Variants in DNAH5 observed in about 807,000 individuals in gnomAD.
DNAH5 encodes dynein axonemal heavy chain 5.
In DNAH5, 372 loss-of-function variants were observed where a neutral mutation model predicts 518.2. That is an observed-to-expected ratio of 0.72 (90% CI 0.66 to 0.78). The LOEUF (loss-of-function observed/expected upper bound fraction) is 0.78, where lower values mean the gene tolerates loss of function less well. DNAH5 is among the 30% of genes least tolerant of loss of function. The pLI, the probability that DNAH5 is intolerant of heterozygous loss-of-function variation, is 0.00. For synonymous variants in DNAH5, 2,039 were observed against 2,025.9 expected, an observed-to-expected ratio of 1.01 and a Z score of -0.17; for missense variants, 5,523 against 5,687.0, an observed-to-expected ratio of 0.97 and a Z score of 0.93.
intron 1 of DNAH5, among the ~76,000 whole-genome samples, chr5:13,986,095 T>C (rs1783036199): frequency 6.6e-6 from 1 of 152,164 alleles, no homozygotes; most frequent in South Asian, 2.1e-4. Context: ...GCAAGAGACC[T>C]GGAGACATCC....
intron 14 of DNAH5, 76 bp downstream of exon 14, chr5:13,901,176 A>G: frequency 1.3e-6 from 2 of 1,506,880 alleles, no homozygotes; most frequent in Non-Finnish European, 1.8e-6. Context: ...CTTTCTAAAG[A>G]AATAACACTG....
At chr5:13,793,039 T>C (rs998285369) in intron 49 of DNAH5, among the ~76,000 whole-genome samples, 1 of 152,224 alleles carries the variant, frequency 6.6e-6, no homozygotes, top group African/African-American at 2.4e-5. Context: ...CAATAACTTA[T>C]TAGAATCCAG....
chr5:14,009,304 C>T (rs971963448), intron 1 of DNAH5, among the ~76,000 whole-genome samples: 15 of 152,178 alleles, frequency 9.9e-5, no homozygotes, highest in Non-Finnish European at 1.5e-5. Flanking sequence ...ACCAATTCCT[C>T]CAAATAGCCA....
intron 69 of DNAH5, among the ~76,000 whole-genome samples, chr5:13,728,171 C>T (rs1746011736): frequency 6.6e-6 from 1 of 152,106 alleles, no homozygotes; most frequent in African/African-American, 2.4e-5. Context: ...CAGTTAATAT[C>T]ATCAAATGAA....
rs757407556 is a variant in DNAH5 at position 13,765,948 on chromosome 5, C to A, written c.10101+28G>T. ...TACACCAGTGAAGAATGAGTTCCCT[C>A]TTAGCCCATCACCACTGAACTACCA... is the stretch of plus-strand genomic sequence containing the variant. On this transcript the variant is annotated intron_variant, in intron 59 of 78. Coordinates refer to ENST00000265104, the MANE Select transcript of DNAH5 (RefSeq NM_001369.3). 3.7e-6 allele frequency: 6 copies of A among 1,607,764 alleles called. No individual in the cohort carries two copies. In the South Asian group the frequency reaches 6.6e-5, roughly 18 times the overall value.
chr5:13,874,451 C>T (rs1326648186), intron 22 of DNAH5, among the ~76,000 whole-genome samples: 1 of 152,098 alleles, frequency 6.6e-6, no homozygotes, highest in East Asian at 1.9e-4. Flanking sequence ...ATTAGATGAA[C>T]TACATATGTA....
At chr5:13,872,524 T>C (rs1202091263) in intron 22 of DNAH5, among the ~76,000 whole-genome samples, 1 of 152,214 alleles carries the variant, frequency 6.6e-6, no homozygotes, top group African/African-American at 2.4e-5. Context: ...GCTGTTGTCA[T>C]TGTAAACAAG....
At chr5:13,924,402 G>A (rs1411202018) in intron 3 of DNAH5, among the ~76,000 whole-genome samples, 7 of 152,114 alleles carry the variant, frequency 4.6e-5, no homozygotes, top group Admixed American at 1.3e-4. Flanking sequence ...ATGGCCGGGC[G>A]TGGTGGCTCA....
intron 1 of DNAH5, among the ~76,000 whole-genome samples, chr5:13,966,325 G>C (rs544752664): frequency 6.6e-6 from 1 of 152,254 alleles, no homozygotes; most frequent in South Asian, 2.1e-4. Flanking sequence ...ATAAACATCT[G>C]TGTGCAAGTA....
intron 1 of DNAH5, among the ~76,000 whole-genome samples, chr5:13,971,292 G>A (rs1781849647): frequency 6.6e-6 from 1 of 151,894 alleles, no homozygotes. Context: ...ATTTCTTCTT[G>A]GTTTGAATCC....
At chr5:13,716,149 G>A (rs570486156) in intron 74 of DNAH5, among the ~76,000 whole-genome samples, 1 of 152,268 alleles carries the variant, frequency 6.6e-6, no homozygotes, top group East Asian at 1.9e-4. Context: ...TGTGGCAGCC[G>A]AAGTTTCACA....
chr5:13,783,769 G>C (rs140479832), intron 52 of DNAH5, among the ~76,000 whole-genome samples: 23 of 152,316 alleles, frequency 1.5e-4, no homozygotes, highest in Admixed American at 2.6e-4. Context: ...GTTTTTGTCT[G>C]CAGTTCTTAC....
chr5:13,768,963 C>A lies in DNAH5; in HGVS notation c.9894G>T (p.Leu3298Phe), dbSNP rs759600701. 1 of 1,614,138 alleles carries A rather than the reference C, an allele frequency of 6.2e-7. No individual in the cohort carries two copies. The highest frequency in any genetic ancestry group is 1.7e-5 in the Admixed American group (1 of 60,030). ...CTGTTATATCACATAGATGCACCTG[C>A]AATGCAGCTTCTGCCTCTTCTAAAG... ...KPALEEAEAA[L>F]QTIRPSDIAT... The change falls in exon 58 of 79, where the codon TTG becomes TTT. Residue 3298 changes from leucine (L) to phenylalanine (F), a missense_variant. Transcript: ENST00000265104.
At chr5:13,933,307 T>A (rs16902953) in intron 1 of DNAH5, among the ~76,000 whole-genome samples, 2 of 152,068 alleles carry the variant, frequency 1.3e-5, no homozygotes, top group Admixed American at 6.5e-5. Context: ...TCAACAGCTC[T>A]TTCAACCAGC....
At chr5:13,993,474 C>G (rs1783707454) in intron 1 of DNAH5, among the ~76,000 whole-genome samples, 1 of 152,184 alleles carries the variant, frequency 6.6e-6, no homozygotes, top group South Asian at 2.1e-4. Context: ...CTCATATATT[C>G]TACCCCACTG....
rs1382216248 is a variant in DNAH5, at chr5:13,841,053, T to A, written c.5562A>T (p.Lys1854Asn). The change falls in exon 34 of 79, where the codon AAA (lysine) becomes AAT (asparagine). Residue 1854 changes from lysine to asparagine, a missense_variant. By Grantham distance (94) the Lys-to-Asn change is moderately conservative. Around this residue, in one of 3 missense-constraint regions of DNAH5, gnomAD observed 5,121 missense variants for 5,223.3 expected, o/e 0.98. Transcript: ENST00000265104. ...EALRNAKFDK[K>N]IMQKTNQAFL... is the part of the protein sequence containing the mutation. ...AAGCCTGATTAGTTTTCTGCATGATTTTTTTATCAAACTTGGCATTTCTAA... is the reference window on the plus strand; with the variant it reads ...AAGCCTGATTAGTTTTCTGCATGATATTTTTATCAAACTTGGCATTTCTAA... 1 of 1,614,066 alleles carries A rather than the reference T, an allele frequency of 6.2e-7. No individual in the cohort carries two copies. The highest frequency in any genetic ancestry group is 1.3e-5 in the African/African-American group (1 of 74,936).
chr5:13,953,960 G>T (rs774434486), intron 1 of DNAH5, among the ~76,000 whole-genome samples: 10 of 152,172 alleles, frequency 6.6e-5, no homozygotes, highest in Admixed American at 1.3e-4. Flanking sequence ...CACCCACCTC[G>T]GCCTCCCAAA....
intron 68 of DNAH5, among the ~76,000 whole-genome samples, chr5:13,732,158 T>C (rs962196245): frequency 1.1e-3 from 160 of 151,466 alleles, no homozygotes; most frequent in Middle Eastern, 3.5e-3. Context: ...GTTGTGGCTA[T>C]TGGGCTTAAA....
chr5:13,954,099 G>C (rs1462697580), intron 1 of DNAH5, among the ~76,000 whole-genome samples: 1 of 152,200 alleles, frequency 6.6e-6, no homozygotes, highest in African/African-American at 2.4e-5. Context: ...AGAAAAGTAA[G>C]TCCATATTTT....
Sources: gnomAD v4.1 joint callset for allele counts (sites outside exome capture counted in the v4.1 genomes callset) on GRCh38, gnomAD v4.1.1 for gene constraint, gnomAD v4.1.1 regional missense constraint, MANE v1.5 for transcripts, NCBI Gene and HGNC (gene_info 2026-07-23, HGNC 2026-07-21) for gene names.